The following PCDHA13 variants were observed in gnomAD, a reference collection of about 807,000 sequenced individuals.
PCDHA13 encodes the protein protocadherin alpha 13.
PCDHA13 carries 54 observed loss-of-function variants against 64.8 expected under a neutral mutation model. The ratio of observed to expected loss-of-function variants is 0.83; its 90% CI spans 0.67 to 1.04. PCDHA13 has a LOEUF of 1.04. Among genes scored for constraint, PCDHA13 ranks in the 50% least tolerant of loss-of-function variants. The probability of loss-of-function intolerance (pLI) is 0.00; values close to 1 mark genes in which losing one functional copy is unlikely to be tolerated. For missense variants in PCDHA13, 1,248 were observed against 1,254.3 expected (o/e 0.99, Z 0.08); for synonymous variants, 587 against 564.4 (o/e 1.04, Z -0.57).
intron 1 of PCDHA13, chr5:140,927,406 G>C: frequency 6.2e-7 from 1 of 1,614,210 alleles, no homozygotes; most frequent in East Asian, 2.2e-5. Context: ...CTTTCGCCTG[G>C]ACATGGGATC....
intron 1 of PCDHA13, among the ~76,000 whole-genome samples, chr5:140,896,927 A>G (rs1453519374): frequency 6.6e-6 from 1 of 152,212 alleles, no homozygotes; most frequent in Non-Finnish European, 1.5e-5. Flanking sequence ...TAATCACATC[A>G]TGGAAAATGG....
At chr5:140,938,876 AAC>A (rs142461507) in intron 1 of PCDHA13, among the ~76,000 whole-genome samples, 10 of 151,120 alleles carry the variant, frequency 6.6e-5, no homozygotes, top group Non-Finnish European at 1.3e-4. Flanking sequence ...GTTAAGAAGC[AAC>A]ACACACACAC....
chr5:140,927,611 C>T, intron 1 of PCDHA13: 1 of 1,614,164 alleles, frequency 6.2e-7, no homozygotes, highest in Admixed American at 1.7e-5. Context: ...GTATACCGCA[C>T]CAAGGTTCCA....
chr5:140,900,734 G>C (rs2068260899), intron 1 of PCDHA13, among the ~76,000 whole-genome samples: 1 of 152,200 alleles, frequency 6.6e-6, no homozygotes, highest in African/African-American at 2.4e-5. Flanking sequence ...CTAGCAGTGG[G>C]ATTTCTGGAT....
intron 3 of PCDHA13, among the ~76,000 whole-genome samples, chr5:140,985,631 T>C (rs551279134): frequency 1.2e-4 from 18 of 152,250 alleles, no homozygotes; most frequent in Admixed American, 1.2e-3. Flanking sequence ...GTATTGCTCT[T>C]CTCATCCCAA....
At chr5:140,934,312 A>G (rs2089755727) in intron 1 of PCDHA13, among the ~76,000 whole-genome samples, 1 of 152,108 alleles carries the variant, frequency 6.6e-6, no homozygotes, top group South Asian at 2.1e-4. Context: ...CTTACTGCAA[A>G]TGTCCAATCA....
chr5:140,997,971 G>A (rs2097791982), intron 3 of PCDHA13, among the ~76,000 whole-genome samples: 3 of 152,086 alleles, frequency 2.0e-5, no homozygotes, highest in Admixed American at 2.0e-4. Context: ...CCTGTGGTTG[G>A]ACTGCACTTG....
chr5:140,924,910 AT>A (rs1554202346), intron 1 of PCDHA13, among the ~76,000 whole-genome samples: 33 of 63,422 alleles, frequency 5.2e-4, no homozygotes, highest in African/African-American at 1.8e-3. Context: ...AAAAAATAAA[AT>A]AAAATAAAAT....
intron 1 of PCDHA13, among the ~76,000 whole-genome samples, chr5:140,892,469 A>G (rs557049666): frequency 1.3e-5 from 2 of 152,302 alleles, no homozygotes; most frequent in South Asian, 4.1e-4. Context: ...ACGGTTATTC[A>G]GTTTCCTAGC....
intron 3 of PCDHA13, among the ~76,000 whole-genome samples, chr5:141,001,642 G>A (rs1399710505): frequency 6.6e-6 from 1 of 152,110 alleles, no homozygotes; most frequent in African/African-American, 2.4e-5. Flanking sequence ...GGGGGTGAAG[G>A]TGTGGGAGAA....
At chr5:140,887,130 T>C (rs1164233833) in intron 1 of PCDHA13, among the ~76,000 whole-genome samples, 1 of 151,716 alleles carries the variant, frequency 6.6e-6, no homozygotes, top group African/African-American at 2.4e-5. Context: ...GGAGTCTCAC[T>C]CTGTCGCCCA....
At chr5:141,005,556 G>T (rs62384513) in intron 3 of PCDHA13, among the ~76,000 whole-genome samples, 1 of 151,476 alleles carries the variant, frequency 6.6e-6, no homozygotes, top group South Asian at 2.1e-4. Flanking sequence ...ACAAAAATTA[G>T]CCGGGCATGG....
chr5:140,893,795 C>T (rs1030354295), intron 1 of PCDHA13, among the ~76,000 whole-genome samples: 34 of 152,002 alleles, frequency 2.2e-4, no homozygotes, highest in African/African-American at 7.7e-4. Context: ...TTAGAATTCC[C>T]TCCTTGTCTT....
At position 141,009,772 on chromosome 5, in the gene PCDHA13, C is replaced by G. The variant is rs782009776; in HGVS notation, c.2688C>G (p.Ile896Met). Residue 896 changes from isoleucine (I) to methionine (M), a missense_variant, in exon 4 of 4, where the codon ATC becomes ATG. By Grantham distance (10) the Ile-to-Met change is conservative (BLOSUM62 1). Transcript: ENST00000289272. ...TCATTATCCCAGGATCTCCTGCAAT[C>G]ATCTCCATCCGGCAGGAGCCTACTA... ...DKFIIPGSPA[I>M]ISIRQEPTNS... 4 of 1,614,158 alleles carry G rather than the reference C, an allele frequency of 2.5e-6. No individual in the cohort carries two copies. The East Asian group carries it at 8.9e-5, about 36-fold the overall frequency.
intron 1 of PCDHA13, chr5:140,967,680 G>C (rs1554229771): frequency 6.2e-7 from 1 of 1,614,228 alleles, no homozygotes; most frequent in South Asian, 1.1e-5. Context: ...GACCGGGAGA[G>C]GCAGCTCTTC....
At chr5:141,001,025 TA>T (rs1300694860) in intron 3 of PCDHA13, among the ~76,000 whole-genome samples, 1 of 152,246 alleles carries the variant, frequency 6.6e-6, no homozygotes, top group African/African-American at 2.4e-5. Context: ...ACACTTATAA[TA>T]ATAGCTTTAA....
chr5:140,895,665 A>G (rs782373926), intron 1 of PCDHA13, among the ~76,000 whole-genome samples: 1 of 152,114 alleles, frequency 6.6e-6, no homozygotes, highest in Non-Finnish European at 1.5e-5. Flanking sequence ...AAGTGAGAAC[A>G]TGTAGTATTT....
chr5:140,886,886 T>C (rs1554182794), intron 1 of PCDHA13, among the ~76,000 whole-genome samples: 1 of 151,610 alleles, frequency 6.6e-6, no homozygotes, highest in African/African-American at 2.4e-5. Flanking sequence ...CATTCATTAA[T>C]TAAATGCATT....
At position 140,923,111 on chromosome 5, in the gene PCDHA13, G is replaced by T. The variant is rs192696214; in HGVS notation, c.2394+38449G>T. Among the ~76,000 whole-genome samples, 53 of 152,266 alleles carry T rather than the reference G, an allele frequency of 3.5e-4. No individual in the cohort carries two copies. In the East Asian group the frequency reaches 8.9e-3, roughly 25 times the overall value. ...TTGACCAATGGGAGTATGATTTTAA[G>T]TTTTTAGGGTCACACTTTGAAGGTG... On this transcript the variant is annotated intron_variant, in intron 1 of 3. Coordinates refer to ENST00000289272, the MANE Select transcript of PCDHA13 (RefSeq NM_018904.3).
Sources: allele counts gnomAD v4.1 joint callset (sites outside exome capture counted in the v4.1 genomes callset), GRCh38; gene constraint gnomAD v4.1.1; transcripts MANE v1.5; gene names NCBI Gene and HGNC (gene_info 2026-07-23, HGNC 2026-07-21).